Variants in GALNT13 observed in about 807,000 individuals in gnomAD.
GALNT13 encodes the protein polypeptide N-acetylgalactosaminyltransferase 13.
A neutral mutation model predicts 64.2 loss-of-function variants in GALNT13; 28 were observed. The ratio of observed to expected loss-of-function variants is 0.44; its 90% CI spans 0.32 to 0.60. GALNT13 has a LOEUF of 0.60. Among genes scored for constraint, GALNT13 ranks in the 20% least tolerant of loss-of-function variants. GALNT13 has a pLI of 0.05. For missense variants in GALNT13, 577 were observed against 669.8 expected, an observed-to-expected ratio of 0.86 and a Z score of 1.53; for synonymous variants, 214 against 224.6, an observed-to-expected ratio of 0.95 and a Z score of 0.42.
At chr2:153,345,109 T>C in the GALNT13 span, among the ~76,000 whole-genome samples, 1 of 152,228 alleles carries the variant, frequency 6.6e-6, no homozygotes, top group Non-Finnish European at 1.5e-5. Context: ...TTTATTCTTC[T>C]TTATCTCAAA....
chr2:154,275,879 A>T (rs192798951), intron 8 of GALNT13, among the ~76,000 whole-genome samples: 2 of 152,356 alleles, frequency 1.3e-5, no homozygotes, highest in African/African-American at 4.8e-5. Context: ...GAGCTACCCA[A>T]GGCCGTGGGA....
At chr2:153,276,624 C>G in the GALNT13 span, among the ~76,000 whole-genome samples, 1 of 152,118 alleles carries the variant, frequency 6.6e-6, no homozygotes, top group Non-Finnish European at 1.5e-5. Context: ...AAATCTCTAA[C>G]AGACACATTG....
chr2:153,716,712 A>G, the GALNT13 span, among the ~76,000 whole-genome samples: 1 of 151,984 alleles, frequency 6.6e-6, no homozygotes, highest in African/African-American at 2.4e-5. Context: ...TGAGTTTTGA[A>G]TACTATCCCA....
chr2:153,771,896 C>A, the GALNT13 span, among the ~76,000 whole-genome samples: 10 of 152,204 alleles, frequency 6.6e-5, no homozygotes, highest in South Asian at 2.1e-3. Flanking sequence ...GACCATACTC[C>A]CAATTCAGGT....
At chr2:154,090,245 C>CTAAT (rs1449071549) in intron 3 of GALNT13, among the ~76,000 whole-genome samples, 2 of 151,972 alleles carry the variant, frequency 1.3e-5, no homozygotes, top group African/African-American at 4.8e-5. Flanking sequence ...AATAACTTTA[C>CTAAT]TAATATGTTA....
At chr2:153,515,663 C>A in the GALNT13 span, among the ~76,000 whole-genome samples, 1 of 152,106 alleles carries the variant, frequency 6.6e-6, no homozygotes, top group Non-Finnish European at 1.5e-5. Flanking sequence ...AGTATATGAT[C>A]CTATGGGACC....
the GALNT13 span, among the ~76,000 whole-genome samples, chr2:153,503,186 A>G: frequency 6.6e-6 from 1 of 152,124 alleles, no homozygotes; most frequent in Admixed American, 6.6e-5. Flanking sequence ...TTTCAATGTC[A>G]TCTTCTAGAA....
chr2:154,358,891 G>A (rs1285855119), intron 9 of GALNT13, among the ~76,000 whole-genome samples: 1 of 152,086 alleles, frequency 6.6e-6, no homozygotes, highest in Non-Finnish European at 1.5e-5. Flanking sequence ...ACTAAAAACA[G>A]AACCTGTTTT....
At chr2:153,186,198 T>G in the GALNT13 span, among the ~76,000 whole-genome samples, 2 of 152,208 alleles carry the variant, frequency 1.3e-5, no homozygotes, top group African/African-American at 4.8e-5. Context: ...ACTGAAACCT[T>G]TACCATTATG....
intron 12 of GALNT13, 119 bp from the exon 13 acceptor site, chr2:154,450,292 A>G: frequency 1.3e-6 from 1 of 773,876 alleles, no homozygotes; most frequent in Non-Finnish European, 2.0e-6. Context: ...TTACAAAGCT[A>G]TCACAGTGTA....
intron 1 of GALNT13, among the ~76,000 whole-genome samples, chr2:153,896,902 A>G (rs779576150): frequency 6.6e-6 from 1 of 152,234 alleles, no homozygotes; most frequent in African/African-American, 2.4e-5. Flanking sequence ...AAATTTTGAC[A>G]TACTTTCAAA....
intron 9 of GALNT13, among the ~76,000 whole-genome samples, chr2:154,345,320 T>C (rs1696011051): frequency 6.6e-6 from 1 of 151,936 alleles, no homozygotes; most frequent in Non-Finnish European, 1.5e-5. Context: ...GGATTCAAGC[T>C]CACCAAATGG....
intron 8 of GALNT13, among the ~76,000 whole-genome samples, chr2:154,297,637 G>A (rs1331652346): frequency 6.6e-6 from 1 of 152,116 alleles, no homozygotes; most frequent in Admixed American, 6.6e-5. Flanking sequence ...GATTTCTGTT[G>A]TTTAAGCCTC....
At chr2:153,872,959 C>A (rs7586770) in intron 1 of GALNT13, among the ~76,000 whole-genome samples, 63,745 of 151,810 alleles carry the variant, frequency 0.42, 14,229 homozygotes, top group Admixed American at 0.57. Context: ...TTCTCTTATT[C>A]TGTTTCCCTC....
chr2:154,157,856 A>C (rs1225803120), intron 4 of GALNT13, among the ~76,000 whole-genome samples: 1 of 152,110 alleles, frequency 6.6e-6, no homozygotes, highest in Non-Finnish European at 1.5e-5. Flanking sequence ...GTTGATTATG[A>C]TCTCCTTTTT....
At chr2:154,236,452 T>G (rs1368990622) in intron 4 of GALNT13, among the ~76,000 whole-genome samples, 1 of 152,052 alleles carries the variant, frequency 6.6e-6, no homozygotes, top group African/African-American at 2.4e-5. Context: ...TTTGAGCTCA[T>G]GAGATAATTC....
chr2:153,605,679 G>T, the GALNT13 span, among the ~76,000 whole-genome samples: 31 of 152,136 alleles, frequency 2.0e-4, no homozygotes, highest in Middle Eastern at 6.8e-3. Context: ...ATCAGTTCTT[G>T]GTCTTGCTTC....
intron 3 of GALNT13, among the ~76,000 whole-genome samples, chr2:154,009,779 C>T (rs1696503554): frequency 6.6e-6 from 1 of 152,150 alleles, no homozygotes; most frequent in South Asian, 2.1e-4. Flanking sequence ...AATATTGATT[C>T]TCCCTATCTA....
the GALNT13 span, among the ~76,000 whole-genome samples, chr2:153,409,715 C>T: frequency 6.6e-6 from 1 of 152,116 alleles, no homozygotes; most frequent in Admixed American, 6.5e-5. Flanking sequence ...ATAAAAAGAA[C>T]TGCGTAGTAT....
Sources: allele counts gnomAD v4.1 joint callset (sites outside exome capture counted in the v4.1 genomes callset), GRCh38; gene constraint gnomAD v4.1.1; transcripts MANE v1.5; gene names NCBI Gene and HGNC (gene_info 2026-07-23, HGNC 2026-07-21).